The following TYW1B variants were observed in gnomAD, a reference collection of about 807,000 sequenced individuals.
TYW1B encodes tRNA-yW synthesizing protein 1 homolog B.
TYW1B carries 73 observed loss-of-function variants against 86.9 expected under a neutral mutation model. The ratio of observed to expected loss-of-function variants is 0.84; its 90% CI spans 0.70 to 1.02. The LOEUF (loss-of-function observed/expected upper bound fraction) is 1.02, where lower values mean the gene tolerates loss of function less well. Among genes scored for constraint, TYW1B ranks in the 50% least tolerant of loss-of-function variants. The pLI, the probability that TYW1B is intolerant of heterozygous loss-of-function variation, is 0.00. For synonymous variants in TYW1B, 248 were observed against 292.8 expected (o/e 0.85, Z 1.56); for missense variants, 637 against 827.4 (o/e 0.77, Z 2.82).
At chr7:72,721,241 T>C (rs1300403317) in intron 9 of TYW1B, among the ~76,000 whole-genome samples, 1 of 152,200 alleles carries the variant, frequency 6.6e-6, no homozygotes, top group African/African-American at 2.4e-5. Flanking sequence ...GCATGATTTA[T>C]AATCCTTTGG....
chr7:72,623,711 C>G (rs1812279193), intron 12 of TYW1B, among the ~76,000 whole-genome samples: 1 of 152,208 alleles, frequency 6.6e-6, no homozygotes, highest in East Asian at 1.9e-4. Flanking sequence ...AAGTGTTAAT[C>G]CTTAGAGAGG....
chr7:72,703,022 ATATATTT>A (rs1415602661), intron 10 of TYW1B, among the ~76,000 whole-genome samples: 30 of 7,154 alleles, frequency 4.2e-3, no homozygotes, highest in South Asian at 0.025. Context: ...ATATATATAT[ATATATTT>A]TTTTTTTTTT....
rs557504735 is a variant in TYW1B, at chr7:72,661,003, C to T, written c.1507-32006G>A. Among the ~76,000 whole-genome samples, 20 of 149,178 alleles carry T rather than the reference C, an allele frequency of 1.3e-4. No homozygotes were observed. In the South Asian group the frequency reaches 4.1e-3, roughly 31 times the overall value. ...ACAAAAGATTAGCTAGGCGTGGTGG[C>T]ACGCACCTTTAATCCCAGCTATTCG... is the stretch of plus-strand genomic sequence containing the variant. On this transcript the variant is annotated intron_variant, in intron 11 of 13. Coordinates refer to ENST00000620995, the MANE Select transcript of TYW1B (RefSeq NM_001145440.3).
intron 11 of TYW1B, among the ~76,000 whole-genome samples, chr7:72,685,740 C>G (rs34445194): frequency 6.6e-6 from 1 of 152,072 alleles, no homozygotes; most frequent in Non-Finnish European, 1.5e-5. Flanking sequence ...CTAGATGACC[C>G]TGGATTTGGA....
At chr7:72,666,099 A>G (rs782575085) in intron 11 of TYW1B, among the ~76,000 whole-genome samples, 11 of 152,128 alleles carry the variant, frequency 7.2e-5, no homozygotes, top group Non-Finnish European at 1.6e-4. Context: ...TTACATCTAA[A>G]TAAGTACCAT....
chr7:72,672,901 G>C (rs1275344759), intron 11 of TYW1B, among the ~76,000 whole-genome samples: 1 of 152,210 alleles, frequency 6.6e-6, no homozygotes, highest in African/African-American at 2.4e-5. Flanking sequence ...GGGCATGGTG[G>C]CTCATGCCTG....
intron 13 of TYW1B, among the ~76,000 whole-genome samples, chr7:72,582,789 G>A (rs1811186211): frequency 6.6e-6 from 1 of 152,196 alleles, no homozygotes; most frequent in Non-Finnish European, 1.5e-5. Context: ...CAATATATTT[G>A]AGATGGCAGA....
intron 11 of TYW1B, among the ~76,000 whole-genome samples, chr7:72,630,881 CATACTT>C (rs1277798380): frequency 2.0e-5 from 3 of 152,132 alleles, no homozygotes; most frequent in East Asian, 1.9e-4. Flanking sequence ...CTATCTCACT[CATACTT>C]ATATATGTAA....
At chr7:72,753,790 A>T (rs1464350717) in intron 7 of TYW1B, among the ~76,000 whole-genome samples, 1 of 152,212 alleles carries the variant, frequency 6.6e-6, no homozygotes, top group Non-Finnish European at 1.5e-5. Context: ...AATCATTAGC[A>T]ATTTTAGAAA....
chr7:72,767,747 C>G (rs1205241118), intron 7 of TYW1B, among the ~76,000 whole-genome samples: 1 of 152,184 alleles, frequency 6.6e-6, no homozygotes, highest in Non-Finnish European at 1.5e-5. Context: ...TGCATATTCA[C>G]ATTGCAGTGC....
At chr7:72,748,145 T>G (rs2129571414) in intron 7 of TYW1B, among the ~76,000 whole-genome samples, 1 of 152,018 alleles carries the variant, frequency 6.6e-6, no homozygotes, top group South Asian at 2.1e-4. Context: ...GGCGGGCGCC[T>G]GTAGTCCCAG....
At chr7:72,659,584 A>T (rs1283042056) in intron 11 of TYW1B, among the ~76,000 whole-genome samples, 2 of 152,178 alleles carry the variant, frequency 1.3e-5, no homozygotes, top group Non-Finnish European at 2.9e-5. Context: ...TCTCAAAGAA[A>T]AGAAAAGAAA....
chr7:72,762,667 G>A (rs1187037842), intron 7 of TYW1B, among the ~76,000 whole-genome samples: 1 of 151,722 alleles, frequency 6.6e-6, no homozygotes, highest in Non-Finnish European at 1.5e-5. Flanking sequence ...TTTTTGTTTT[G>A]TTTTTCTTTT....
chr7:72,709,524 T>C (rs1230373006), intron 10 of TYW1B, among the ~76,000 whole-genome samples: 2 of 152,032 alleles, frequency 1.3e-5, no homozygotes, highest in South Asian at 2.1e-4. Context: ...AAAAATTAGC[T>C]GGGGGTGGTG....
chr7:72,794,437 T>C (rs1788272273), intron 6 of TYW1B, among the ~76,000 whole-genome samples: 1 of 151,944 alleles, frequency 6.6e-6, no homozygotes, highest in Non-Finnish European at 1.5e-5. Flanking sequence ...GCACCTGTAA[T>C]CGCAGCTACT....
intron 7 of TYW1B, among the ~76,000 whole-genome samples, chr7:72,773,548 G>A (rs1232322931): frequency 6.6e-6 from 1 of 152,128 alleles, no homozygotes; most frequent in African/African-American, 2.4e-5. Context: ...CAGAGCCTGG[G>A]GAGACAAAGG....
intron 6 of TYW1B, among the ~76,000 whole-genome samples, chr7:72,786,771 C>T (rs1585982950): frequency 6.6e-6 from 1 of 152,056 alleles, no homozygotes; most frequent in East Asian, 1.9e-4. Context: ...GACAGGGTTT[C>T]GTCATATTGC....
At chr7:72,715,630 C>T (rs1213427993) in intron 9 of TYW1B, among the ~76,000 whole-genome samples, 1 of 151,852 alleles carries the variant, frequency 6.6e-6, no homozygotes, top group Non-Finnish European at 1.5e-5. Context: ...GGAAAAACAA[C>T]TAATGGGTAC....
chr7:72,696,186 G>A (rs1429552636), intron 10 of TYW1B, among the ~76,000 whole-genome samples: 1 of 152,078 alleles, frequency 6.6e-6, no homozygotes, highest in Non-Finnish European at 1.5e-5. Flanking sequence ...GACCTCAGGT[G>A]ATCCACGCAC....
Sources: allele counts gnomAD v4.1 joint callset (sites outside exome capture counted in the v4.1 genomes callset), GRCh38; gene constraint gnomAD v4.1.1; transcripts MANE v1.5; gene names NCBI Gene and HGNC (gene_info 2026-07-23, HGNC 2026-07-21).